Variants in GPR39 observed in about 807,000 individuals in gnomAD.
GPR39 encodes G protein-coupled receptor 39.
GPR39 carries 23 observed loss-of-function variants against 18.4 expected under a neutral mutation model. The ratio of observed to expected loss-of-function variants is 1.25; its 90% CI spans 0.90 to 1.77. The LOEUF (loss-of-function observed/expected upper bound fraction) is 1.77. GPR39 is among the 40% of genes most tolerant of loss of function. The pLI, the probability that GPR39 is intolerant of heterozygous loss-of-function variation, is 0.00. For synonymous variants in GPR39, 280 were observed against 257.9 expected (o/e 1.09, Z -0.82); for missense variants, 647 against 602.4 (o/e 1.07, Z -0.78).
chr2:132,645,490 G>C lies in GPR39; in HGVS notation c.1246G>C (p.Glu416Gln), dbSNP rs1306745973. Residue 416 changes from glutamate to glutamine, a missense_variant, in exon 2 of 2, where the codon GAG becomes CAG. Transcript: ENST00000329321. Reference sequence around the variant, plus strand: ...GATTTTCTTAAGCACTTTTCAGAGCGAGGCCGAGCCCCAGTCTAAGTCCCA... The same window carrying C: ...GATTTTCTTAAGCACTTTTCAGAGCCAGGCCGAGCCCCAGTCTAAGTCCCA... ...EKIFLSTFQS[E>Q]AEPQSKSQSL... The C allele has an allele frequency of 1.2e-6, 2 of 1,613,740 alleles. No individual in the cohort carries two copies. Among genetic ancestry groups the C allele is most frequent in the Non-Finnish European group, 1.7e-6 (2 of 1,180,046 alleles).
intron 1 of GPR39, among the ~76,000 whole-genome samples, chr2:132,476,745 T>C (rs1212179301): frequency 6.6e-6 from 1 of 150,992 alleles, no homozygotes; most frequent in East Asian, 1.9e-4. Context: ...GAAAAGCATA[T>C]GATGCTTTAT....
At chr2:132,586,151 CAAAG>C (rs1437834647) in intron 1 of GPR39, among the ~76,000 whole-genome samples, 3 of 151,916 alleles carry the variant, frequency 2.0e-5, no homozygotes, top group Admixed American at 1.3e-4. Context: ...TGGTGTTCCT[CAAAG>C]AAAGACGGTA....
intron 1 of GPR39, among the ~76,000 whole-genome samples, chr2:132,580,295 GATTGGCTTT>G (rs1226473125): frequency 6.6e-6 from 1 of 152,232 alleles, no homozygotes; most frequent in East Asian, 1.9e-4. Flanking sequence ...ATGAGTTTGG[GATTGGCTTT>G]ATCTCTAGTG....
intron 1 of GPR39, among the ~76,000 whole-genome samples, chr2:132,582,671 TG>T (rs1680646429): frequency 6.6e-6 from 1 of 152,166 alleles, no homozygotes; most frequent in African/African-American, 2.4e-5. Flanking sequence ...GTCACCTGGC[TG>T]GGATGCCCAG....
chr2:132,607,294 C>A (rs766126944), intron 1 of GPR39, among the ~76,000 whole-genome samples: 1 of 152,134 alleles, frequency 6.6e-6, no homozygotes, highest in Non-Finnish European at 1.5e-5. Context: ...TACATTTGTT[C>A]ATTCCTTTAC....
chr2:132,455,523 C>G (rs1295169828), intron 1 of GPR39, among the ~76,000 whole-genome samples: 2 of 152,166 alleles, frequency 1.3e-5, no homozygotes, highest in East Asian at 3.8e-4. Context: ...CTTCTGCTAA[C>G]TTTTGAATGT....
At position 132,602,717 on chromosome 2, in the gene GPR39, T is replaced by C. The variant is rs1027757811; in HGVS notation, c.857-42384T>C. Among the ~76,000 whole-genome samples, 34 of 151,566 alleles carry C rather than the reference T, an allele frequency of 2.2e-4. No individual in the cohort carries two copies. The East Asian group carries it at 6.4e-3, about 29-fold the overall frequency. On this transcript the variant is annotated intron_variant, in intron 1 of 1. Transcript: ENST00000329321. ...AAAAACTGAATAATCTGATGTAAAA[T>C]GGGCAAATGATTTGAATAGACATTT...
At chr2:132,508,094 G>C (rs550435753) in intron 1 of GPR39, among the ~76,000 whole-genome samples, 1 of 152,258 alleles carries the variant, frequency 6.6e-6, no homozygotes, top group Admixed American at 6.5e-5. Flanking sequence ...CAGCAGGGCA[G>C]GCCCCAATCT....
intron 1 of GPR39, among the ~76,000 whole-genome samples, chr2:132,526,490 AT>A (rs1679511386): frequency 6.6e-6 from 1 of 152,166 alleles, no homozygotes; most frequent in African/African-American, 2.4e-5. Flanking sequence ...CCCTAGTGGG[AT>A]CTTTTACTTA....
intron 1 of GPR39, among the ~76,000 whole-genome samples, chr2:132,445,415 C>T (rs1334957566): frequency 6.6e-6 from 1 of 152,200 alleles, no homozygotes; most frequent in Non-Finnish European, 1.5e-5. Flanking sequence ...AAAACCCCTA[C>T]TGACTTATTT....
chr2:132,611,592 C>T (rs1681240925), intron 1 of GPR39, among the ~76,000 whole-genome samples: 1 of 151,336 alleles, frequency 6.6e-6, no homozygotes, highest in Non-Finnish European at 1.5e-5. Context: ...GGAAACTGCT[C>T]CAAAGGATGC....
chr2:132,430,002 G>A (rs1031199442), intron 1 of GPR39, among the ~76,000 whole-genome samples: 1 of 152,238 alleles, frequency 6.6e-6, no homozygotes, highest in African/African-American at 2.4e-5. Flanking sequence ...TGTATTGGAG[G>A]CCATGGGAGC....
At chr2:132,574,674 G>C (rs1275953421) in intron 1 of GPR39, among the ~76,000 whole-genome samples, 1 of 152,200 alleles carries the variant, frequency 6.6e-6, no homozygotes, top group Non-Finnish European at 1.5e-5. Context: ...GGTGGAGGTT[G>C]CAGCGAGCCA....
At chr2:132,534,919 A>G (rs531576340) in intron 1 of GPR39, among the ~76,000 whole-genome samples, 7 of 152,050 alleles carry the variant, frequency 4.6e-5, no homozygotes, top group Admixed American at 2.6e-4. Flanking sequence ...CAGCACACCA[A>G]CATGGCACAT....
intron 1 of GPR39, among the ~76,000 whole-genome samples, chr2:132,586,380 C>T (rs572919766): frequency 6.6e-6 from 1 of 152,286 alleles, no homozygotes; most frequent in Admixed American, 6.5e-5. Flanking sequence ...CGCGCTCCAG[C>T]TTCTGAGTTT....
chr2:132,418,063 T>A (rs1221991175), intron 1 of GPR39, among the ~76,000 whole-genome samples, 165 bp downstream of exon 1: 3 of 152,160 alleles, frequency 2.0e-5, no homozygotes, highest in Non-Finnish European at 4.4e-5. Context: ...TTGCTCTGGG[T>A]CTCTGAATGT....
chr2:132,432,892 T>C (rs10206574), intron 1 of GPR39, among the ~76,000 whole-genome samples: 31,532 of 152,152 alleles, frequency 0.21, 3,375 homozygotes, highest in African/African-American at 0.23. Flanking sequence ...GTGAGAAGTA[T>C]ATGGAGGCCA....
chr2:132,591,318 A>G (rs1215847064), intron 1 of GPR39, among the ~76,000 whole-genome samples: 2 of 148,130 alleles, frequency 1.4e-5, no homozygotes, highest in South Asian at 2.2e-4. Flanking sequence ...AGACCAGCGG[A>G]GTCTTCTGGC....
intron 1 of GPR39, among the ~76,000 whole-genome samples, chr2:132,613,729 T>C (rs577167593): frequency 6.6e-6 from 1 of 152,358 alleles, no homozygotes; most frequent in East Asian, 1.9e-4. Flanking sequence ...ATCTTGTTCT[T>C]TCTCATTTAC....
Sources: allele counts gnomAD v4.1 joint callset (sites outside exome capture counted in the v4.1 genomes callset), GRCh38; gene constraint gnomAD v4.1.1; transcripts MANE v1.5; gene names NCBI Gene and HGNC (gene_info 2026-07-23, HGNC 2026-07-21).